Variants in ZFP14 observed in about 807,000 individuals in gnomAD.
ZFP14 encodes the protein ZFP14 zinc finger protein.
In ZFP14, 22 loss-of-function variants were observed where a neutral mutation model predicts 54.5. The ratio of observed to expected loss-of-function variants is 0.40; its 90% CI spans 0.29 to 0.58. ZFP14 has a LOEUF of 0.58. ZFP14 is among the 20% of genes least tolerant of loss of function. The pLI, the probability that ZFP14 is intolerant of heterozygous loss-of-function variation, is 0.39. For synonymous variants in ZFP14, 159 were observed against 204.0 expected, an observed-to-expected ratio of 0.78 and a Z score of 1.88; for missense variants, 470 against 637.8, an observed-to-expected ratio of 0.74 and a Z score of 2.83.
At chr19:36,379,023 A>C (rs2032007698) in intron 1 of ZFP14, 140 bp downstream of exon 1, 1 of 152,384 alleles carries the variant, frequency 6.6e-6, no homozygotes, top group Non-Finnish European at 1.5e-5. Flanking sequence ...TGAAGCGAGA[A>C]GGCAGAGGAC....
intron 4 of ZFP14, among the ~76,000 whole-genome samples, chr19:36,358,049 T>TCG (rs2031646503): frequency 1.7e-5 from 2 of 117,870 alleles, no homozygotes; most frequent in South Asian, 2.5e-4. Context: ...GGCTCTGATC[T>TCG]ATCTATCTAT....
At chr19:36,376,796 A>G (rs2031969199) in intron 1 of ZFP14, among the ~76,000 whole-genome samples, 2 of 152,212 alleles carry the variant, frequency 1.3e-5, no homozygotes, top group Admixed American at 6.5e-5. Flanking sequence ...GAGCCATCCT[A>G]TATAGCAGGG....
intron 2 of ZFP14, 136 bp downstream of exon 2, chr19:36,367,748 G>A (rs2031817018): frequency 1.0e-6 from 1 of 991,194 alleles, no homozygotes; most frequent in Non-Finnish European, 1.4e-6. Flanking sequence ...ACAGGCGTGA[G>A]CCATTGCGTC....
intron 4 of ZFP14, among the ~76,000 whole-genome samples, chr19:36,345,936 A>G (rs2145543081): frequency 6.6e-6 from 1 of 152,328 alleles, no homozygotes; most frequent in Non-Finnish European, 1.5e-5. Context: ...CAAAGAATGA[A>G]GAAATAGATT....
At chr19:36,378,928 G>C (rs954629833) in intron 1 of ZFP14, 1 of 152,292 alleles carries the variant, frequency 6.6e-6, no homozygotes, top group Non-Finnish European at 1.5e-5. Context: ...TTCAGACTGC[G>C]TCTTTTTGTT....
intron 3 of ZFP14, among the ~76,000 whole-genome samples, chr19:36,361,098 G>T (rs1008712163): frequency 7.2e-5 from 11 of 152,262 alleles, no homozygotes; most frequent in African/African-American, 2.6e-4. Flanking sequence ...TTTGATGAGT[G>T]CATACTAAAA....
chr19:36,362,263 C>G, intron 2 of ZFP14, 25 bp from the exon 3 acceptor site: 2 of 1,574,208 alleles, frequency 1.3e-6, no homozygotes, highest in Non-Finnish European at 1.7e-6. Flanking sequence ...TCAGGTATTA[C>G]TTGTGAAAAT....
intron 3 of ZFP14, among the ~76,000 whole-genome samples, chr19:36,361,233 A>C (rs563198161): frequency 1.2e-4 from 18 of 152,222 alleles, no homozygotes; most frequent in African/African-American, 4.3e-4. Context: ...AGGAAACAGA[A>C]TGTGTTTCAG....
chr19:36,366,279 A>T (rs914817468), intron 2 of ZFP14, among the ~76,000 whole-genome samples: 1 of 151,948 alleles, frequency 6.6e-6, no homozygotes, highest in African/African-American at 2.4e-5. Flanking sequence ...AAAAAAAAAA[A>T]TTGTATTGAA....
At chr19:36,373,026 C>G (rs745893215) in intron 1 of ZFP14, among the ~76,000 whole-genome samples, 4 of 152,108 alleles carry the variant, frequency 2.6e-5, no homozygotes, top group Non-Finnish European at 5.9e-5. Context: ...GCCTGTAATC[C>G]CAGCACTTTG....
At chr19:36,350,139 A>AAC (rs2031500763) in intron 4 of ZFP14, among the ~76,000 whole-genome samples, 1 of 126,846 alleles carries the variant, frequency 7.9e-6, no homozygotes, top group African/African-American at 2.7e-5. Context: ...AAAACAAACA[A>AAC]AAAAAAAAAA....
chr19:36,369,216 G>A (rs1217533851), intron 1 of ZFP14, among the ~76,000 whole-genome samples: 1 of 152,100 alleles, frequency 6.6e-6, no homozygotes, highest in Non-Finnish European at 1.5e-5. Context: ...AATATTCATT[G>A]AGAACCTCTA....
At chr19:36,378,121 G>A (rs2031992015) in intron 1 of ZFP14, 1 of 152,236 alleles carries the variant, frequency 6.6e-6, no homozygotes, top group South Asian at 2.1e-4. Flanking sequence ...AAGCTCTTTC[G>A]TAAACGGTTG....
At chr19:36,356,745 GTGAT>G (rs113931262) in intron 4 of ZFP14, among the ~76,000 whole-genome samples, 55,756 of 151,658 alleles carry the variant, frequency 0.37, 10,223 homozygotes, top group South Asian at 0.43. Flanking sequence ...ATAACCATTT[GTGAT>G]TGATTTTGTC....
Position 36,340,638 on chromosome 19 carries a change from A to G in ZFP14, c.1188T>C (p.Tyr396=), listed in dbSNP as rs202179952. 3.7e-5 allele frequency: 60 copies of G among 1,613,958 alleles called. No homozygotes were observed. The highest frequency in any genetic ancestry group is 4.7e-5 in the Non-Finnish European group (56 of 1,180,016). ...AGGTCTTCCAACATTCCATACATTC[A>G]TAGGGTTTCTCACGAGTATGTATTC... The part of the protein sequence containing the change: ...HQRIHTREKP[Y]ECMECWKTFS... The change falls in exon 5 of 5, where the codon TAT becomes TAC. Residue 396 remains tyrosine (Y), a synonymous_variant. Transcript: ENST00000270001. The surrounding 1 kb of genome is among the most constrained non-coding windows in gnomAD (Gnocchi z 5.4).
chr19:36,371,792 A>G (rs890434710), intron 1 of ZFP14, among the ~76,000 whole-genome samples: 1 of 152,052 alleles, frequency 6.6e-6, no homozygotes, highest in Non-Finnish European at 1.5e-5. Flanking sequence ...TCATCTCTAC[A>G]AATAATTTTT....
chr19:36,366,231 G>A (rs2145559411), intron 2 of ZFP14, among the ~76,000 whole-genome samples: 1 of 152,022 alleles, frequency 6.6e-6, no homozygotes, highest in Middle Eastern at 3.4e-3. Context: ...TCCTGCCACT[G>A]CACTCCAGCC....
chr19:36,373,911 C>CAAAA (rs74174406), intron 1 of ZFP14, among the ~76,000 whole-genome samples: 1 of 93,352 alleles, frequency 1.1e-5, no homozygotes. Context: ...GACCCCATCT[C>CAAAA]AAAAAAAAAA....
rs147802163 is a variant in ZFP14 at position 36,338,063 on chromosome 19, A to G, written c.*2161T>C. 0.022 allele frequency: 3,410 copies of G among 152,252 alleles called. 54 individuals are homozygous for G. The highest frequency in any genetic ancestry group is 0.037 in the Non-Finnish European group (2,513 of 68,032). The allele number at this position is 152,252 out of a possible 1,614,324, so 9.4% of individuals were successfully genotyped here. A position where few individuals can be genotyped will look rare whatever the true frequency, so the allele number is the denominator to read the frequency against. ...GTCACCCAGGCTGGAGTGCAGTGGCACGATCTCAGCTCACTGCAAACTCTG... is the reference window on the plus strand; with the variant it reads ...GTCACCCAGGCTGGAGTGCAGTGGCGCGATCTCAGCTCACTGCAAACTCTG... On this transcript the variant is annotated 3_prime_UTR_variant, in exon 5 of 5. Transcript: ENST00000270001.
Sources: gnomAD v4.1 joint callset for allele counts (sites outside exome capture counted in the v4.1 genomes callset) on GRCh38, gnomAD v4.1.1 for gene constraint, Gnocchi (gnomAD v3.1) non-coding constraint, MANE v1.5 for transcripts, NCBI Gene and HGNC (gene_info 2026-07-23, HGNC 2026-07-21) for gene names.